The following COL6A6 variants were observed in gnomAD, a reference collection of about 807,000 sequenced individuals.
The protein encoded by COL6A6 is collagen alpha-6(VI) chain.
COL6A6 carries 183 observed loss-of-function variants against 208.6 expected under a neutral mutation model. The observed-to-expected ratio is 0.88, with a 90% CI of 0.78 to 0.99. The LOEUF is 0.99. COL6A6 is among the 50% of genes least tolerant of loss of function. The pLI is 0.00. For missense variants in COL6A6, 2,816 were observed against 2,815.2 expected, an observed-to-expected ratio of 1.00 and a Z score of -0.01; for synonymous variants, 973 against 1,011.8, an observed-to-expected ratio of 0.96 and a Z score of 0.73.
In COL6A6 at chr3:130,565,472, C is replaced by T. The variant is rs1391105755; in HGVS notation, c.1140C>T (p.Ser380=). 2 of 1,613,956 alleles carry T rather than the reference C, an allele frequency of 1.2e-6. No individual in the cohort carries two copies. ...ASDTQLEKIA[S]HPAEQYVSKL... ...ACACCCAGTTGGAAAAGATAGCATCCCACCCTGCTGAGCAGTATGTCTCCA... is the reference window on the plus strand; with the variant it reads ...ACACCCAGTTGGAAAAGATAGCATCTCACCCTGCTGAGCAGTATGTCTCCA... Residue 380 remains serine, a synonymous_variant, in exon 4 of 37, where the codon TCC becomes TCT. Transcript: ENST00000358511.
chr3:130,654,967 A>C (rs2065749126), intron 33 of COL6A6, among the ~76,000 whole-genome samples: 1 of 152,154 alleles, frequency 6.6e-6, no homozygotes, highest in African/African-American at 2.4e-5. Context: ...GGGCGGGGCC[A>C]CAGGAGTGGT....
At chr3:130,554,170 A>T (rs6439247) in intron 1 of COL6A6, among the ~76,000 whole-genome samples, 121,174 of 152,186 alleles carry the variant, frequency 0.8, 48,966 homozygotes, top group Non-Finnish European at 0.86. Flanking sequence ...AGCTCTGTGC[A>T]GTTTTGCATG....
intron 23 of COL6A6, among the ~76,000 whole-genome samples, chr3:130,616,060 A>G (rs955543575): frequency 6.6e-6 from 1 of 152,158 alleles, no homozygotes; most frequent in African/African-American, 2.4e-5. Context: ...TACAGTGAAA[A>G]TGCTATTTCA....
At chr3:130,562,571 A>C (rs1366858720) in intron 2 of COL6A6, among the ~76,000 whole-genome samples, 2 of 152,186 alleles carry the variant, frequency 1.3e-5, no homozygotes, top group African/African-American at 2.4e-5. Context: ...TTAATCAGAT[A>C]AACTGTTGTG....
Position 130,661,990 on chromosome 3 carries a change from G to C in COL6A6, c.6184G>C (p.Gly2062Arg). ...VKQLNGDAFI[G>R]HALQWTLDNV... ...ACAACTAAATGGAGATGCTTTTATT[G>C]GTCATGCCTTACAGTGGACTCTGGA... Residue 2062 changes from glycine to arginine, a missense_variant, in exon 35 of 37, where the codon GGT becomes CGT. Physicochemically the swap from Gly to Arg is moderately radical, Grantham distance 125. Transcript: ENST00000358511. 6.2e-7 allele frequency: 1 copy of C among 1,613,926 alleles called. No homozygotes were observed. Among genetic ancestry groups the C allele is most frequent in the Non-Finnish European group, 8.5e-7 (1 of 1,179,870 alleles).
intron 34 of COL6A6, among the ~76,000 whole-genome samples, chr3:130,659,697 A>G (rs1343955265): frequency 1.3e-5 from 2 of 152,246 alleles, no homozygotes; most frequent in East Asian, 3.8e-4. Flanking sequence ...AACCGTCTGC[A>G]GTTTATGAAA....
chr3:130,641,735 C>G (rs368359117), intron 29 of COL6A6, 21 bp downstream of exon 29: 3 of 1,457,506 alleles, frequency 2.1e-6, no homozygotes, highest in African/African-American at 2.8e-5. Context: ...AAACTATAAA[C>G]CACAGCAGGT....
chr3:130,606,693 A>G (rs1302135104), intron 20 of COL6A6, among the ~76,000 whole-genome samples: 1 of 152,240 alleles, frequency 6.6e-6, no homozygotes, highest in Non-Finnish European at 1.5e-5. Flanking sequence ...GTAGATTTCA[A>G]TTGTCTATTA....
At chr3:130,542,898 C>CTTTT (rs56339748) in intron 1 of COL6A6, among the ~76,000 whole-genome samples, 5 of 92,614 alleles carry the variant, frequency 5.4e-5, no homozygotes, top group African/African-American at 2.1e-4. Flanking sequence ...TCCATTCACT[C>CTTTT]TTTTTTTTTT....
chr3:130,574,050 A>G lies in COL6A6; in HGVS notation c.3072A>G (p.Ala1024=). ...NDFKKMKEFL[A]SVVQDFDVSL... ...TCAAGAAAATGAAGGAATTTCTGGCATCTGTTGTTCAAGACTTTGATGTCA... is the reference window on the plus strand; with the variant it reads ...TCAAGAAAATGAAGGAATTTCTGGCGTCTGTTGTTCAAGACTTTGATGTCA... The change falls in exon 8 of 37, where the codon GCA becomes GCG. Residue 1024 remains alanine, a synonymous_variant. Coordinates refer to ENST00000358511, the MANE Select transcript of COL6A6 (RefSeq NM_001102608.3). 2 of 1,613,926 alleles carry G rather than the reference A, an allele frequency of 1.2e-6. No homozygotes were observed. Among genetic ancestry groups the G allele is most frequent in the Non-Finnish European group, 1.7e-6 (2 of 1,179,834 alleles).
At chr3:130,589,987 G>C (rs778687613) in intron 12 of COL6A6, 72 of 448,434 alleles carry the variant, frequency 1.6e-4, no homozygotes, top group Non-Finnish European at 4.0e-5. Flanking sequence ...CATGTAAAGA[G>C]AGTGGTAGAT....
chr3:130,552,667 C>T (rs774556645), intron 1 of COL6A6, among the ~76,000 whole-genome samples: 12 of 152,132 alleles, frequency 7.9e-5, no homozygotes, highest in African/African-American at 1.2e-4. Flanking sequence ...TTCATATGTG[C>T]GAATTTCATC....
chr3:130,555,482 T>G (rs2062747034), intron 1 of COL6A6, among the ~76,000 whole-genome samples: 1 of 152,186 alleles, frequency 6.6e-6, no homozygotes, highest in African/African-American at 2.4e-5. Context: ...AATGATCCCC[T>G]GGCTACGGCT....
intron 18 of COL6A6, among the ~76,000 whole-genome samples, chr3:130,597,437 G>A (rs1051206605): frequency 1.1e-4 from 17 of 152,168 alleles, no homozygotes; most frequent in African/African-American, 4.1e-4. Flanking sequence ...AGCTTACTAA[G>A]TATCTGGAAC....
At chr3:130,627,621 C>G (rs984788809) in intron 26 of COL6A6, among the ~76,000 whole-genome samples, 8 of 152,288 alleles carry the variant, frequency 5.3e-5, no homozygotes, top group African/African-American at 1.4e-4. Flanking sequence ...CGGCCCTAGT[C>G]TGACTTGTTC....
At chr3:130,588,262 A>G (rs1015534576) in intron 11 of COL6A6, among the ~76,000 whole-genome samples, 3 of 152,258 alleles carry the variant, frequency 2.0e-5, no homozygotes, top group African/African-American at 7.2e-5. Flanking sequence ...TTTTCATTGC[A>G]CTAGAAATTT....
At chr3:130,657,234 C>A (rs1387570644) in intron 33 of COL6A6, among the ~76,000 whole-genome samples, 1 of 152,248 alleles carries the variant, frequency 6.6e-6, no homozygotes, top group African/African-American at 2.4e-5. Context: ...GCAGCCCCGA[C>A]TGTACTCAGG....
At chr3:130,525,484 G>A (rs561256463) in intron 1 of COL6A6, among the ~76,000 whole-genome samples, 5 of 152,210 alleles carry the variant, frequency 3.3e-5, no homozygotes, top group South Asian at 2.1e-4. Flanking sequence ...TTTTTTTGCT[G>A]TTTGACTTTT....
intron 13 of COL6A6, 109 bp downstream of exon 13, chr3:130,591,203 G>A (rs531693114): frequency 4.9e-5 from 40 of 823,758 alleles, no homozygotes; most frequent in Non-Finnish European, 5.0e-5. Flanking sequence ...CTAAGGATTC[G>A]TGTACAGAAT....
Sources: gnomAD v4.1 joint callset for allele counts (sites outside exome capture counted in the v4.1 genomes callset) on GRCh38, gnomAD v4.1.1 for gene constraint, MANE v1.5 for transcripts, NCBI Gene and HGNC (gene_info 2026-07-23, HGNC 2026-07-21) for gene names.